PCNT: variants seen among roughly 807,000 people sequenced by gnomAD.
The protein encoded by PCNT is kendrin.
In PCNT, 319 loss-of-function variants were observed where a neutral mutation model predicts 380.4. That is an observed-to-expected ratio of 0.84 (90% confidence interval 0.77 to 0.92). The LOEUF (loss-of-function observed/expected upper bound fraction) is 0.92. Among genes scored for constraint, PCNT ranks in the 40% least tolerant of loss-of-function variants. PCNT has a pLI of 0.00. For synonymous variants in PCNT, 1,845 were observed against 1,735.2 expected, an observed-to-expected ratio of 1.06 and a Z score of -1.57; for missense variants, 4,400 against 4,255.3, an observed-to-expected ratio of 1.03 and a Z score of -0.95.
intron 38 of PCNT, among the ~76,000 whole-genome samples, chr21:46,433,348 A>G (rs372796880): frequency 2.2e-4 from 33 of 152,380 alleles, no homozygotes; most frequent in African/African-American, 7.9e-4. Flanking sequence ...GCACCGCTGC[A>G]CTTCAGCCTG....
chr21:46,413,280 C>T (rs1320443205), intron 29 of PCNT, among the ~76,000 whole-genome samples: 2 of 110,310 alleles, frequency 1.8e-5, no homozygotes, highest in Admixed American at 8.4e-5. Context: ...AGGCTGGACA[C>T]GCGGCAGCAA....
chr21:46,325,537 A>G (rs1272517645), intron 1 of PCNT, among the ~76,000 whole-genome samples: 2 of 152,234 alleles, frequency 1.3e-5, no homozygotes, highest in Admixed American at 6.5e-5. Flanking sequence ...TATTTCCTTG[A>G]GAGACCATTT....
intron 27 of PCNT, among the ~76,000 whole-genome samples, chr21:46,404,958 C>T (rs748909405): frequency 1.1e-4 from 16 of 151,962 alleles, no homozygotes; most frequent in Non-Finnish European, 1.6e-4. Context: ...ACTTTATGGC[C>T]GGGCACAGTG....
chr21:46,348,323 A>G, intron 6 of PCNT: 1 of 164,856 alleles, frequency 6.1e-6, no homozygotes, highest in Non-Finnish European at 1.3e-5. Flanking sequence ...GGTCTGTTTC[A>G]GGGTAGGTGG....
chr21:46,394,420 C>A, intron 21 of PCNT: 1 of 580,792 alleles, frequency 1.7e-6, no homozygotes, highest in Non-Finnish European at 2.2e-6. Context: ...CTGCTGCTGA[C>A]GCTGCCGTCA....
chr21:46,394,651 C>T (rs1169897365), intron 21 of PCNT: 1 of 258,564 alleles, frequency 3.9e-6, no homozygotes, highest in African/African-American at 2.3e-5. Flanking sequence ...ACAATAAATA[C>T]AGCGATACTC....
In PCNT at chr21:46,436,469, GGCCCCCCCC is replaced by G. The variant is rs1280363867; in HGVS notation, c.8996+322_8996+330del. On this transcript the variant is annotated intron_variant, in intron 39 of 46. Transcript: ENST00000359568. ...CAGGGTCGGGTTTGGAGCCTCCTGT[GGCCCCCCCC>G]CCCCCCCCCCGCTGGCACTGCCCAG... 2.4e-3 allele frequency among the ~76,000 whole-genome samples: 97 copies of G among 40,010 alleles called. 19 individuals are homozygous for G. Among genetic ancestry groups the G allele is most frequent in the Middle Eastern group, 0.018 (1 of 56 alleles). 26.2% of individuals were successfully genotyped at this position (40,010 alleles called of 152,430 possible).
rs756637854 is a variant in PCNT at position 46,390,669 on chromosome 21, G to T, written c.3841-1G>T. The T allele has an allele frequency of 6.2e-7, 1 of 1,614,096 alleles. No individual in the cohort carries two copies. The highest frequency in any genetic ancestry group is 2.2e-5 in the East Asian group (1 of 44,880). ...TTTGATTTGCAAATGTGTTTTAACAGCTGGAAGAAGCACGCCAAATTCATT... is the reference window on the plus strand; with the variant it reads ...TTTGATTTGCAAATGTGTTTTAACATCTGGAAGAAGCACGCCAAATTCATT... On this transcript the variant is annotated splice_acceptor_variant, in intron 19 of 46. Transcript: ENST00000359568. LOFTEE classifies it high-confidence loss of function.
At chr21:46,430,436 C>T (rs548657453) in intron 36 of PCNT, 71 bp from the exon 37 acceptor site, 20 of 1,533,692 alleles carry the variant, frequency 1.3e-5, no homozygotes, top group Non-Finnish European at 1.7e-5. Flanking sequence ...GCCTCCCCTC[C>T]TGGAGCTCCC....
chr21:46,344,153 C>T (rs1020402241), intron 3 of PCNT, among the ~76,000 whole-genome samples: 6 of 151,816 alleles, frequency 4.0e-5, no homozygotes, highest in Non-Finnish European at 7.4e-5. Flanking sequence ...CAAGCTCTGC[C>T]GGGTCTGCCT....
chr21:46,436,191 C>CA (rs762695092), intron 39 of PCNT, 43 bp downstream of exon 39: 12 of 1,598,730 alleles, frequency 7.5e-6, no homozygotes, highest in Non-Finnish European at 8.5e-6. Flanking sequence ...CCCTTGCAGC[C>CA]ACCCCTCTGT....
At chr21:46,329,331 C>A (rs991807106) in intron 2 of PCNT, among the ~76,000 whole-genome samples, 3 of 152,122 alleles carry the variant, frequency 2.0e-5, no homozygotes, top group Non-Finnish European at 2.9e-5. Context: ...TGATGAAAAG[C>A]ATTTTGATTT....
intron 13 of PCNT, among the ~76,000 whole-genome samples, chr21:46,361,841 AG>A (rs1184955043): frequency 6.6e-6 from 1 of 152,184 alleles, no homozygotes; most frequent in South Asian, 2.1e-4. Flanking sequence ...TTTCTTGTTC[AG>A]GATTTAAAGA....
chr21:46,435,841 C>T (rs780430115), intron 38 of PCNT, 63 bp from the exon 39 acceptor site: 117 of 1,607,332 alleles, frequency 7.3e-5, no homozygotes, highest in Non-Finnish European at 8.3e-5. Context: ...CGCGCCCGGC[C>T]GGCAGTTTTG....
chr21:46,371,675 C>T (rs987828666), intron 15 of PCNT, among the ~76,000 whole-genome samples: 28 of 152,342 alleles, frequency 1.8e-4, no homozygotes, highest in Admixed American at 2.6e-4. Context: ...TTCTCTGCAC[C>T]TATGCAGGAC....
In PCNT at chr21:46,435,235, T is replaced by G. The variant is rs548322925; in HGVS notation, c.8752-669T>G. On this transcript the variant is annotated intron_variant, in intron 38 of 46. Transcript: ENST00000359568. ...TGTTGTTTTTTTTGTTTTGGTTTGGTTTTTTTTGGTAGATGGAGTCTCACT... is the reference window on the plus strand; with the variant it reads ...TGTTGTTTTTTTTGTTTTGGTTTGGGTTTTTTTGGTAGATGGAGTCTCACT... Among the ~76,000 whole-genome samples, 30 of 151,618 alleles carry G rather than the reference T, an allele frequency of 2.0e-4. No individual in the cohort carries two copies. In the East Asian group the frequency reaches 5.6e-3, roughly 28 times the overall value.
intron 1 of PCNT, chr21:46,324,975 TC>T (rs1469852456): frequency 1.1e-6 from 1 of 870,994 alleles, no homozygotes; most frequent in African/African-American, 4.1e-5. Context: ...GTCCTGCCCG[TC>T]CGGGCCTGGC....
intron 27 of PCNT, among the ~76,000 whole-genome samples, chr21:46,409,545 T>C (rs1165783186): frequency 6.6e-6 from 1 of 152,112 alleles, no homozygotes; most frequent in Non-Finnish European, 1.5e-5. Flanking sequence ...CCTGAGAAAT[T>C]TCATAGTTTT....
At chr21:46,400,283 TGAGCCAGGTGG>T (rs1424025838) in intron 25 of PCNT, among the ~76,000 whole-genome samples, 33 of 152,062 alleles carry the variant, frequency 2.2e-4, no homozygotes, top group Non-Finnish European at 3.7e-4. Context: ...GCTGGAGCAC[TGAGCCAGGTGG>T]GCCATCTCAT....
Sources: allele counts gnomAD v4.1 joint callset (sites outside exome capture counted in the v4.1 genomes callset), GRCh38; gene constraint gnomAD v4.1.1; transcripts MANE v1.5; gene names NCBI Gene and HGNC (gene_info 2026-07-23, HGNC 2026-07-21).